Variants in GPC6 observed in about 807,000 individuals in gnomAD.
The protein encoded by GPC6 is glypican-6.
A neutral mutation model predicts 55.2 loss-of-function variants in GPC6; 14 were observed. The observed-to-expected ratio is 0.25, with a 90% CI of 0.17 to 0.40. The LOEUF is 0.40. Ranked by LOEUF, GPC6 falls within the 10% of genes least tolerant of loss-of-function variation. The pLI, the probability that GPC6 is intolerant of heterozygous loss-of-function variation, is 1.00. For missense variants in GPC6, 641 were observed against 708.5 expected, an observed-to-expected ratio of 0.90 and a Z score of 1.08; for synonymous variants, 278 against 259.6, an observed-to-expected ratio of 1.07 and a Z score of -0.68.
intron 4 of GPC6, among the ~76,000 whole-genome samples, chr13:94,109,581 G>T (rs9301936): frequency 0.13 from 19,997 of 151,904 alleles, 1,620 homozygotes; most frequent in East Asian, 0.32. Flanking sequence ...AGTAGTTGTC[G>T]AATTCAGTAA....
At chr13:93,551,407 C>T (rs2139442398) in intron 2 of GPC6, among the ~76,000 whole-genome samples, 1 of 151,990 alleles carries the variant, frequency 6.6e-6, no homozygotes, top group East Asian at 1.9e-4. Context: ...CTAAGATGTG[C>T]TCATGCAGGC....
chr13:93,377,211 G>A (rs1380864452), intron 1 of GPC6, among the ~76,000 whole-genome samples: 1 of 152,178 alleles, frequency 6.6e-6, no homozygotes, highest in East Asian at 1.9e-4. Flanking sequence ...ATGGGCCAGA[G>A]AAACACCAGA....
intron 3 of GPC6, among the ~76,000 whole-genome samples, chr13:93,870,808 C>T (rs1001015842): frequency 3.3e-5 from 5 of 151,864 alleles, no homozygotes; most frequent in African/African-American, 4.8e-5. Flanking sequence ...CAAAATGAGA[C>T]GGGGTTTTGC....
chr13:93,700,862 G>A (rs1882643446), intron 2 of GPC6, among the ~76,000 whole-genome samples: 2 of 152,028 alleles, frequency 1.3e-5, no homozygotes, highest in Non-Finnish European at 2.9e-5. Flanking sequence ...AGGAGGGAAG[G>A]TCAAGATTAT....
At chr13:93,643,828 A>G (rs1880061055) in intron 2 of GPC6, among the ~76,000 whole-genome samples, 1 of 152,134 alleles carries the variant, frequency 6.6e-6, no homozygotes, top group Non-Finnish European at 1.5e-5. Context: ...TGCAGCAGCA[A>G]TCCTCTGAGA....
intron 6 of GPC6, among the ~76,000 whole-genome samples, chr13:94,309,717 G>A (rs532927549): frequency 6.6e-6 from 1 of 152,290 alleles, no homozygotes; most frequent in Non-Finnish European, 1.5e-5. Flanking sequence ...CAACTCATCT[G>A]AGTCTATCGC....
chr13:94,203,008 C>G (rs1484303570), intron 4 of GPC6, among the ~76,000 whole-genome samples: 2 of 152,000 alleles, frequency 1.3e-5, no homozygotes, highest in South Asian at 2.1e-4. Context: ...ATTCCTTGAT[C>G]AGATTATTCT....
chr13:94,029,754 G>A (rs1883041042), intron 4 of GPC6, among the ~76,000 whole-genome samples: 1 of 152,176 alleles, frequency 6.6e-6, no homozygotes, highest in African/African-American at 2.4e-5. Context: ...TAACTTGTAA[G>A]AGCAGCAGTG....
chr13:94,386,228 T>C (rs373736302), intron 7 of GPC6, among the ~76,000 whole-genome samples: 5 of 151,790 alleles, frequency 3.3e-5, no homozygotes, highest in South Asian at 2.1e-4. Context: ...GGTGTGGTGG[T>C]GGGTGCCTGT....
chr13:93,637,229 C>T (rs1487512212), intron 2 of GPC6, among the ~76,000 whole-genome samples: 3 of 152,186 alleles, frequency 2.0e-5, no homozygotes, highest in South Asian at 2.1e-4. Context: ...CTACTTTACT[C>T]GCTTTAAGGG....
intron 4 of GPC6, among the ~76,000 whole-genome samples, chr13:94,058,646 C>G (rs991763886): frequency 1.3e-5 from 2 of 152,198 alleles, no homozygotes; most frequent in African/African-American, 4.8e-5. Flanking sequence ...GGCAGTTCCT[C>G]TCTGCCCTCG....
At chr13:94,092,321 A>G (rs1281083935) in intron 4 of GPC6, among the ~76,000 whole-genome samples, 1 of 151,982 alleles carries the variant, frequency 6.6e-6, no homozygotes, top group Non-Finnish European at 1.5e-5. Context: ...CCTGCCAACC[A>G]CCATTCCATT....
intron 2 of GPC6, among the ~76,000 whole-genome samples, chr13:93,582,820 C>T (rs1228507157): frequency 6.6e-6 from 1 of 152,132 alleles, no homozygotes; most frequent in East Asian, 1.9e-4. Flanking sequence ...CTAGGAAAAG[C>T]GAAGTGAAAC....
At chr13:94,156,299 C>T (rs563197503) in intron 4 of GPC6, among the ~76,000 whole-genome samples, 1 of 152,012 alleles carries the variant, frequency 6.6e-6, no homozygotes, top group South Asian at 2.1e-4. Context: ...TAAGCAGATC[C>T]TTCAGAAAGG....
chr13:93,915,390 T>A (rs769864732), intron 3 of GPC6, among the ~76,000 whole-genome samples: 1 of 152,190 alleles, frequency 6.6e-6, no homozygotes, highest in Non-Finnish European at 1.5e-5. Context: ...TAGGTACTCT[T>A]TTCCCTGTAC....
At chr13:93,715,566 G>T (rs76983738) in intron 2 of GPC6, among the ~76,000 whole-genome samples, 1 of 151,618 alleles carries the variant, frequency 6.6e-6, no homozygotes, top group East Asian at 2.0e-4. Flanking sequence ...AAACTTCAGC[G>T]TCACACAGTA....
At chr13:93,772,929 G>A (rs1885349346) in intron 2 of GPC6, among the ~76,000 whole-genome samples, 1 of 152,010 alleles carries the variant, frequency 6.6e-6, no homozygotes, top group East Asian at 1.9e-4. Flanking sequence ...AAAGTGCTAG[G>A]AAAAGTTGTT....
chr13:93,622,009 C>G (rs1350775519), intron 2 of GPC6, among the ~76,000 whole-genome samples: 3 of 152,000 alleles, frequency 2.0e-5, no homozygotes, highest in African/African-American at 7.2e-5. Context: ...TTTTTCCACC[C>G]CAGCTGCCAC....
intron 4 of GPC6, among the ~76,000 whole-genome samples, chr13:94,170,579 G>T (rs946846802): frequency 6.6e-6 from 1 of 152,158 alleles, no homozygotes; most frequent in African/African-American, 2.4e-5. Context: ...AGGGAATGTA[G>T]TTCATTCCTT....
Sources: allele counts gnomAD v4.1 joint callset (sites outside exome capture counted in the v4.1 genomes callset), GRCh38; gene constraint gnomAD v4.1.1; transcripts MANE v1.5; gene names NCBI Gene and HGNC (gene_info 2026-07-23, HGNC 2026-07-21).